DNAI7: variants seen among roughly 807,000 people sequenced by gnomAD.
DNAI7 encodes the protein cancer susceptibility 1.
A neutral mutation model predicts 86.6 loss-of-function variants in DNAI7; 78 were observed. The observed-to-expected ratio is 0.90, with a 90% CI of 0.75 to 1.09. The LOEUF is 1.09. Among genes scored for constraint, DNAI7 ranks in the 50% least tolerant of loss-of-function variants. The pLI is 0.00. For synonymous variants in DNAI7, 274 were observed against 273.0 expected (o/e 1.00, Z -0.04); for missense variants, 753 against 810.2 (o/e 0.93, Z 0.86).
intron 15 of DNAI7, among the ~76,000 whole-genome samples, chr12:25,109,089 G>A (rs1949544665): frequency 6.6e-6 from 1 of 152,078 alleles, no homozygotes; most frequent in African/African-American, 2.4e-5. Context: ...CTAAGTGCTG[G>A]GGATATAACA....
chr12:25,159,802 A>T (rs985471373), intron 3 of DNAI7, among the ~76,000 whole-genome samples: 26 of 152,186 alleles, frequency 1.7e-4, no homozygotes, highest in Non-Finnish European at 3.4e-4. Flanking sequence ...AAAAAAAAGG[A>T]TGTATAAAAT....
intron 9 of DNAI7, among the ~76,000 whole-genome samples, chr12:25,134,351 A>ATTT (rs1425235776): frequency 8.6e-5 from 3 of 34,712 alleles, no homozygotes; most frequent in East Asian, 9.1e-4. Flanking sequence ...TCCTTGGCGT[A>ATTT]CTTTTTTTTT....
rs1235243901 is a variant in DNAI7, at chr12:25,119,275, G to A, written c.1266C>T (p.Tyr422=). ...CTTCTGTAGTTTCCGGAGGATATGT[G>A]TATTTCTGTAATCCTTCTTTGAGTA... ...VEILKEGLQK[Y]TYPPETTEEF... The change falls in exon 12 of 16, where the codon TAC becomes TAT. Residue 422 remains tyrosine (Y), a synonymous_variant. Coordinates refer to ENST00000395987, the MANE Select transcript of DNAI7 (RefSeq NM_018272.5). 3.1e-6 allele frequency: 5 copies of A among 1,609,618 alleles called. No homozygotes were observed. The highest frequency in any genetic ancestry group is 4.2e-6 in the Non-Finnish European group (5 of 1,177,772).
Position 25,174,679 on chromosome 12 carries a change from CAT to C in DNAI7, c.22-13484_22-13483del, listed in dbSNP as rs1203451778. Among the ~76,000 whole-genome samples the C allele has an allele frequency of 3.2e-3, 171 of 53,272 alleles. 17 individuals are homozygous for C. The highest frequency in any genetic ancestry group is 0.014 in the East Asian group (45 of 3,272). 34.9% of individuals were successfully genotyped at this position (53,272 alleles called of 152,430 possible). On this transcript the variant is annotated intron_variant, in intron 2 of 15. Transcript: ENST00000395987. ...TATCATATATATGGAATATATATAT[CAT>C]ATATATATGGAATATAGATATCATA...
chr12:25,136,213 C>T (rs1489157546), intron 9 of DNAI7, among the ~76,000 whole-genome samples: 3 of 152,224 alleles, frequency 2.0e-5, no homozygotes, highest in Non-Finnish European at 2.9e-5. Flanking sequence ...GTTGAGAGCC[C>T]TGAAGATGAA....
intron 10 of DNAI7, among the ~76,000 whole-genome samples, chr12:25,122,434 G>A (rs1256144268): frequency 3.0e-5 from 3 of 98,694 alleles, no homozygotes; most frequent in African/African-American, 1.4e-4. Flanking sequence ...GGGCAATAGA[G>A]CAAGATCTCA....
chr12:25,158,662 C>G (rs781258121), intron 3 of DNAI7, 99 bp from the exon 4 acceptor site: 2 of 1,508,048 alleles, frequency 1.3e-6, no homozygotes, highest in African/African-American at 1.4e-5. Context: ...GTGGTGGAAT[C>G]TTTTATAGAA....
At chr12:25,124,740 AAT>A (rs1941865745) in intron 9 of DNAI7, among the ~76,000 whole-genome samples, 2 of 152,184 alleles carry the variant, frequency 1.3e-5, no homozygotes, top group South Asian at 2.1e-4. Context: ...CCTAGTACCC[AAT>A]AGTTATTTTT....
intron 9 of DNAI7, among the ~76,000 whole-genome samples, chr12:25,135,133 A>G (rs1398651889): frequency 1.3e-5 from 2 of 152,224 alleles, no homozygotes. Context: ...TCCATGAGAC[A>G]GCCAAAATAC....
intron 2 of DNAI7, among the ~76,000 whole-genome samples, chr12:25,163,261 C>A (rs1237149528): frequency 2.6e-5 from 4 of 152,166 alleles, no homozygotes; most frequent in Non-Finnish European, 4.4e-5. Context: ...CTGTGACCTG[C>A]ACGTACACAT....
intron 9 of DNAI7, among the ~76,000 whole-genome samples, chr12:25,139,539 C>T (rs1943943127): frequency 6.6e-6 from 1 of 152,166 alleles, no homozygotes; most frequent in African/African-American, 2.4e-5. Context: ...GAGTTCCTAT[C>T]CTTTGCAGGG....
intron 2 of DNAI7, among the ~76,000 whole-genome samples, chr12:25,170,337 G>A (rs1947999628): frequency 1.3e-5 from 2 of 151,536 alleles, no homozygotes; most frequent in Admixed American, 1.3e-4. Context: ...GTTGCAGTGA[G>A]CCGAGATTGC....
chr12:25,115,551 T>A (rs1287536437), intron 12 of DNAI7, among the ~76,000 whole-genome samples: 1 of 148,034 alleles, frequency 6.8e-6, no homozygotes, highest in African/African-American at 2.4e-5. Context: ...CAAAGAGATA[T>A]GAAAGGCTAA....
intron 9 of DNAI7, among the ~76,000 whole-genome samples, chr12:25,127,433 GT>G (rs1254875957): frequency 2.0e-5 from 3 of 152,080 alleles, no homozygotes; most frequent in Non-Finnish European, 4.4e-5. Flanking sequence ...TGTTTTCCAA[GT>G]ATTTTTTTCT....
rs767635333 is a variant in DNAI7, at chr12:25,195,074, A to T, written c.3+2T>A. The T allele has an allele frequency of 6.2e-7, 1 of 1,614,172 alleles. No homozygotes were observed. Among genetic ancestry groups the T allele is most frequent in the South Asian group, 1.1e-5 (1 of 91,090 alleles). On this transcript the variant is annotated splice_donor_variant, in intron 1 of 15. Transcript: ENST00000395987. LOFTEE classifies it high-confidence loss of function. ...CCTGTCTGCCTCATTTGCCTTGCTC[A>T]CCATTAAGAGTCAAGCTCCACTGCA...
intron 15 of DNAI7, 36 bp downstream of exon 15, chr12:25,110,091 G>A: frequency 9.9e-7 from 1 of 1,005,554 alleles, no homozygotes; most frequent in Non-Finnish European, 1.6e-6. Flanking sequence ...TTCTTTTGGA[G>A]GACAAAGTAG....
chr12:25,150,245 T>G (rs1196779339), intron 6 of DNAI7, among the ~76,000 whole-genome samples: 3 of 152,036 alleles, frequency 2.0e-5, no homozygotes, highest in African/African-American at 7.3e-5. Flanking sequence ...TTGGGGAAAA[T>G]GTACTTTGCA....
chr12:25,150,626 TTAA>T, intron 6 of DNAI7, among the ~76,000 whole-genome samples: 1 of 114,692 alleles, frequency 8.7e-6, no homozygotes, highest in East Asian at 2.4e-4. Flanking sequence ...AAAAAAAAAA[TTAA>T]TAATGGAACA....
intron 2 of DNAI7, among the ~76,000 whole-genome samples, chr12:25,166,946 C>T (rs551832625): frequency 6.6e-6 from 1 of 152,148 alleles, no homozygotes. Flanking sequence ...GTACTCACTT[C>T]TTGTTGAGTC....
Sources: gnomAD v4.1 joint callset for allele counts (sites outside exome capture counted in the v4.1 genomes callset) on GRCh38, gnomAD v4.1.1 for gene constraint, MANE v1.5 for transcripts, NCBI Gene and HGNC (gene_info 2026-07-23, HGNC 2026-07-21) for gene names.